Variants in EPC1 observed in about 807,000 individuals in gnomAD.
EPC1 encodes enhancer of polycomb homolog 1.
Under a neutral mutation model 98.4 loss-of-function variants are expected in EPC1, and 12 were observed. The ratio of observed to expected loss-of-function variants is 0.12; its 90% confidence interval spans 0.08 to 0.20. EPC1 has a LOEUF of 0.20. EPC1 is among the 10% of genes least tolerant of loss of function. The probability of loss-of-function intolerance (pLI) is 1.00; values close to 1 mark genes in which losing one functional copy is unlikely to be tolerated. For missense variants in EPC1, 729 were observed against 990.5 expected, an observed-to-expected ratio of 0.74 and a Z score of 3.54; for synonymous variants, 357 against 363.9, an observed-to-expected ratio of 0.98 and a Z score of 0.21.
At chr10:32,299,442 T>TCC (rs1835363269) in intron 2 of EPC1, among the ~76,000 whole-genome samples, 1 of 152,170 alleles carries the variant, frequency 6.6e-6, no homozygotes, top group Admixed American at 6.5e-5. Flanking sequence ...CACCTTGGCC[T>TCC]CCCAAAGTGC....
intron 1 of EPC1, among the ~76,000 whole-genome samples, chr10:32,353,147 C>T (rs939990824): frequency 8.9e-5 from 13 of 146,592 alleles, no homozygotes; most frequent in Admixed American, 2.7e-4. Context: ...AAGAGCACAA[C>T]TCCATTTCAA....
intron 2 of EPC1, among the ~76,000 whole-genome samples, chr10:32,295,998 A>C (rs1299336566): frequency 6.7e-6 from 1 of 150,100 alleles, no homozygotes; most frequent in Non-Finnish European, 1.5e-5. Flanking sequence ...ATCTCGGCTT[A>C]CTGCAACCTC....
chr10:32,345,756 C>T (rs764997400), intron 1 of EPC1: 73 of 323,396 alleles, frequency 2.3e-4, no homozygotes, highest in Non-Finnish European at 3.0e-4. Context: ...CCAATTTAGA[C>T]ATCTCAATAT....
intron 2 of EPC1, among the ~76,000 whole-genome samples, chr10:32,294,587 C>A (rs936380071): frequency 1.3e-5 from 2 of 152,198 alleles, no homozygotes; most frequent in South Asian, 2.1e-4. Context: ...TATGTTCCTG[C>A]CTAGGAAGTT....
chr10:32,363,355 G>A (rs146613003), intron 1 of EPC1, among the ~76,000 whole-genome samples: 10 of 152,262 alleles, frequency 6.6e-5, no homozygotes, highest in African/African-American at 2.2e-4. Flanking sequence ...TACTGGGACC[G>A]CAAGCTTGAG....
chr10:32,355,759 C>T (rs113389933), intron 1 of EPC1, among the ~76,000 whole-genome samples: 5,694 of 151,796 alleles, frequency 0.038, 284 homozygotes, highest in African/African-American at 0.11. Context: ...TACAGGCGTG[C>T]GCCACCACAC....
At chr10:32,314,145 A>C (rs2132866404) in intron 1 of EPC1, among the ~76,000 whole-genome samples, 1 of 152,350 alleles carries the variant, frequency 6.6e-6, no homozygotes, top group Middle Eastern at 3.4e-3. Flanking sequence ...AAAGTTAAAT[A>C]ATTTAAAGAA....
chr10:32,364,491 A>G (rs1839540657), intron 1 of EPC1, among the ~76,000 whole-genome samples: 1 of 152,220 alleles, frequency 6.6e-6, no homozygotes, highest in Non-Finnish European at 1.5e-5. Flanking sequence ...ATTTTAAAGA[A>G]TGTAAGTTTC....
intron 1 of EPC1, among the ~76,000 whole-genome samples, chr10:32,319,300 G>T (rs1385180763): frequency 1.3e-5 from 2 of 152,182 alleles, no homozygotes; most frequent in Non-Finnish European, 2.9e-5. Flanking sequence ...GAGATTCCAT[G>T]ACCCCTGAAC....
intron 1 of EPC1, among the ~76,000 whole-genome samples, chr10:32,319,700 G>C (rs1335832241): frequency 6.6e-6 from 1 of 152,106 alleles, no homozygotes; most frequent in East Asian, 1.9e-4. Context: ...CTTTGAGACA[G>C]AGTCTTGCTC....
chr10:32,345,433 A>G, intron 1 of EPC1: 6 of 985,268 alleles, frequency 6.1e-6, no homozygotes, highest in Non-Finnish European at 7.2e-6. Flanking sequence ...TTCTACATTA[A>G]AAATTCTTAC....
intron 1 of EPC1, among the ~76,000 whole-genome samples, chr10:32,322,763 A>G (rs78924936): frequency 0.024 from 3,628 of 152,302 alleles, 62 homozygotes; most frequent in Non-Finnish European, 0.039. Context: ...GAGCTAAAAA[A>G]ACAAACCAAA....
upstream of EPC1, among the ~76,000 whole-genome samples, chr10:32,348,386 C>G (rs528697703): frequency 2.0e-5 from 3 of 152,068 alleles, no homozygotes; most frequent in East Asian, 1.9e-4. Flanking sequence ...CAACAAGATA[C>G]AAAAAGATAC....
intron 1 of EPC1, among the ~76,000 whole-genome samples, chr10:32,367,526 T>C (rs1380090709): frequency 1.3e-5 from 2 of 152,244 alleles, no homozygotes; most frequent in Non-Finnish European, 2.9e-5. Flanking sequence ...AAATTCCATA[T>C]ATTGGCATAT....
intron 2 of EPC1, among the ~76,000 whole-genome samples, chr10:32,295,189 G>T (rs1036934864): frequency 6.6e-6 from 1 of 151,978 alleles, no homozygotes; most frequent in African/African-American, 2.4e-5. Flanking sequence ...CTTCTGTACC[G>T]CTAAGTGGAG....
At chr10:32,306,648 T>C (rs1835891113) in intron 1 of EPC1, among the ~76,000 whole-genome samples, 1 of 152,184 alleles carries the variant, frequency 6.6e-6, no homozygotes, top group East Asian at 1.9e-4. Flanking sequence ...AAGAATCTAC[T>C]GTACAGAGTT....
intron 1 of EPC1, among the ~76,000 whole-genome samples, chr10:32,337,550 G>C (rs1343199212): frequency 6.6e-6 from 1 of 152,164 alleles, no homozygotes; most frequent in Non-Finnish European, 1.5e-5. Flanking sequence ...CATCTGTTTG[G>C]AATTTCCCAT....
At chr10:32,284,500 T>A (rs1260687083) in intron 10 of EPC1, 198 bp downstream of exon 10, 1 of 470,376 alleles carries the variant, frequency 2.1e-6, no homozygotes, top group Non-Finnish European at 3.7e-6. Context: ...TATGCAGGTA[T>A]GTTTAAATGA....
upstream of EPC1, chr10:32,347,161 G>C (rs1311193608): frequency 2.9e-6 from 4 of 1,386,248 alleles, no homozygotes; most frequent in Middle Eastern, 5.4e-4. Flanking sequence ...TCCACTGTGC[G>C]CTCTTCAGCC....
Sources: allele counts gnomAD v4.1 joint callset (sites outside exome capture counted in the v4.1 genomes callset), GRCh38; gene constraint gnomAD v4.1.1; transcripts MANE v1.5; gene names NCBI Gene and HGNC (gene_info 2026-07-23, HGNC 2026-07-21).